The following MEGF6 variants were observed in gnomAD, a reference collection of about 807,000 sequenced individuals.
MEGF6 encodes the protein multiple epidermal growth factor-like domains protein 6.
A neutral mutation model predicts 207.1 loss-of-function variants in MEGF6; 184 were observed. That is an observed-to-expected ratio of 0.89 (90% CI 0.79 to 1.00). The LOEUF is 1.00. MEGF6 is among the 50% of genes least tolerant of loss of function. The pLI is 0.00. For synonymous variants in MEGF6, 1,038 were observed against 910.0 expected, an observed-to-expected ratio of 1.14 and a Z score of -2.53; for missense variants, 2,282 against 2,202.9, an observed-to-expected ratio of 1.04 and a Z score of -0.72.
chr1:3,512,878 C>T (rs1476197258), intron 7 of MEGF6, among the ~76,000 whole-genome samples: 2 of 152,210 alleles, frequency 1.3e-5, no homozygotes, highest in Non-Finnish European at 2.9e-5. Context: ...GAGACTCACC[C>T]TGTGGACCAC....
intron 4 of MEGF6, among the ~76,000 whole-genome samples, chr1:3,542,720 CTG>C (rs1553199445): frequency 6.6e-6 from 1 of 152,226 alleles, no homozygotes; most frequent in Non-Finnish European, 1.5e-5. Flanking sequence ...CAGAGAGAGA[CTG>C]GAGTTCAGAG....
chr1:3,509,000 T>C (rs1330807043), intron 12 of MEGF6, 75 bp downstream of exon 12: 2 of 1,415,786 alleles, frequency 1.4e-6, no homozygotes. Context: ...TCTGATTGGA[T>C]GGCAGCCTAG....
intron 1 of MEGF6, among the ~76,000 whole-genome samples, chr1:3,606,498 C>T (rs1235127217): frequency 6.6e-6 from 1 of 152,202 alleles, no homozygotes; most frequent in East Asian, 1.9e-4. Context: ...TCAGTTTCCT[C>T]ACCTGTAAAA....
At chr1:3,575,058 CTT>C (rs1197037654) in intron 4 of MEGF6, among the ~76,000 whole-genome samples, 4 of 152,224 alleles carry the variant, frequency 2.6e-5, no homozygotes, top group Non-Finnish European at 5.9e-5. Flanking sequence ...TCTGTAGAGA[CTT>C]TTGTGACTTC....
intron 9 of MEGF6, 127 bp downstream of exon 9, chr1:3,511,423 C>T: frequency 8.2e-7 from 1 of 1,218,628 alleles, no homozygotes; most frequent in East Asian, 2.7e-5. Flanking sequence ...AGGGCCCAGG[C>T]AGCCAGACCA....
intron 3 of MEGF6, among the ~76,000 whole-genome samples, chr1:3,590,697 G>A (rs1038743071): frequency 1.3e-5 from 2 of 152,190 alleles, no homozygotes; most frequent in Non-Finnish European, 2.9e-5. Flanking sequence ...GGGCTGGGGG[G>A]CATCATCGGC....
intron 3 of MEGF6, among the ~76,000 whole-genome samples, chr1:3,584,368 C>T (rs1473322822): frequency 2.6e-5 from 4 of 152,226 alleles, no homozygotes; most frequent in East Asian, 1.9e-4. Flanking sequence ...GCCGCTTGGC[C>T]AGAGCCCTTG....
chr1:3,537,932 A>C (rs1642384342), intron 4 of MEGF6, among the ~76,000 whole-genome samples: 1 of 152,090 alleles, frequency 6.6e-6, no homozygotes. Flanking sequence ...GGGGGAAAGG[A>C]GCCACCCAGA....
At position 3,490,489 on chromosome 1, in the gene MEGF6, G is replaced by C. The variant is rs907788430; in HGVS notation, c.*39C>G. Reference sequence around the variant, plus strand: ...TCACCAAAGGCCAGGGTCCCCTCTGGCTGGGACTGGAGAGGCGGGCTCCAC... The same window carrying C: ...TCACCAAAGGCCAGGGTCCCCTCTGCCTGGGACTGGAGAGGCGGGCTCCAC... On this transcript the variant is annotated 3_prime_UTR_variant, in exon 37 of 37. Transcript: ENST00000356575. The C allele has an allele frequency of 1.2e-6, 2 of 1,609,756 alleles. No homozygotes were observed. Among genetic ancestry groups the C allele is most frequent in the South Asian group, 2.2e-5 (2 of 90,912 alleles).
intron 4 of MEGF6, among the ~76,000 whole-genome samples, chr1:3,564,646 C>T (rs895656149): frequency 4.6e-5 from 7 of 152,134 alleles, no homozygotes; most frequent in Non-Finnish European, 1.0e-4. Context: ...CTCACTGGAC[C>T]GCCTTCCTCG....
intron 5 of MEGF6, among the ~76,000 whole-genome samples, chr1:3,518,636 T>G (rs1027103533): frequency 6.6e-6 from 1 of 152,224 alleles, no homozygotes; most frequent in African/African-American, 2.4e-5. Context: ...CCCAGCCCAG[T>G]GGTTTCCAGG....
chr1:3,504,662 C>T (rs1261748525), intron 17 of MEGF6, among the ~76,000 whole-genome samples: 1 of 152,250 alleles, frequency 6.6e-6, no homozygotes, highest in South Asian at 2.1e-4. Flanking sequence ...CAGCCAGCTC[C>T]TAACAGCCTC....
At chr1:3,586,372 GAT>G (rs1260128267) in intron 3 of MEGF6, among the ~76,000 whole-genome samples, 3 of 152,224 alleles carry the variant, frequency 2.0e-5, no homozygotes, top group African/African-American at 7.2e-5. Context: ...GGTGCTCACA[GAT>G]GTGTGTGCGT....
chr1:3,535,262 G>A (rs1365458190), intron 4 of MEGF6, among the ~76,000 whole-genome samples: 5 of 152,154 alleles, frequency 3.3e-5, no homozygotes, highest in Non-Finnish European at 7.4e-5. Context: ...CTGTCACAGC[G>A]CAGCGAGGCC....
intron 34 of MEGF6, 179 bp downstream of exon 34, chr1:3,493,592 G>A (rs2100833316): frequency 2.5e-6 from 2 of 810,994 alleles, no homozygotes; most frequent in East Asian, 2.8e-5. Flanking sequence ...GGCCATGCTT[G>A]GTACCGCATG....
At chr1:3,537,084 G>A (rs77241759) in intron 4 of MEGF6, among the ~76,000 whole-genome samples, 3,254 of 152,378 alleles carry the variant, frequency 0.021, 117 homozygotes, top group African/African-American at 0.073. Context: ...GCTGGGTGTG[G>A]GAGCCAGAGA....
intron 2 of MEGF6, among the ~76,000 whole-genome samples, chr1:3,598,726 C>G (rs10909983): frequency 1.3e-4 from 15 of 111,558 alleles, no homozygotes; most frequent in African/African-American, 3.5e-4. Context: ...CCCCCCCCCC[C>G]CCCCCGGGGC....
intron 4 of MEGF6, among the ~76,000 whole-genome samples, chr1:3,552,724 G>C (rs1168295537): frequency 1.3e-5 from 2 of 152,146 alleles, no homozygotes; most frequent in African/African-American, 2.4e-5. Flanking sequence ...ACCCTGGGAG[G>C]CTCCCTTGGA....
chr1:3,613,884 T>C (rs937724511), upstream of MEGF6, among the ~76,000 whole-genome samples: 1 of 151,932 alleles, frequency 6.6e-6, no homozygotes, highest in Admixed American at 6.6e-5. Flanking sequence ...GCCGCTGTGC[T>C]CTCCCCTGTC....
Sources: allele counts gnomAD v4.1 joint callset (sites outside exome capture counted in the v4.1 genomes callset), GRCh38; gene constraint gnomAD v4.1.1; transcripts MANE v1.5; gene names NCBI Gene and HGNC (gene_info 2026-07-23, HGNC 2026-07-21).